HECTD4: variants seen among roughly 807,000 people sequenced by gnomAD.
HECTD4 encodes the protein probable E3 ubiquitin-protein ligase HECTD4.
HECTD4 carries 114 observed loss-of-function variants against 471.5 expected under a neutral mutation model. The observed-to-expected ratio is 0.24, with a 90% confidence interval of 0.21 to 0.28. The LOEUF (loss-of-function observed/expected upper bound fraction) is 0.28. Among genes scored for constraint, HECTD4 ranks in the 10% least tolerant of loss-of-function variants. The pLI, the probability that HECTD4 is intolerant of heterozygous loss-of-function variation, is 1.00. For synonymous variants in HECTD4, 2,012 were observed against 2,256.0 expected (o/e 0.89, Z 3.07); for missense variants, 3,866 against 5,651.5 (o/e 0.68, Z 10.13).
chr12:112,209,075 A>C (rs1431269065), intron 50 of HECTD4, among the ~76,000 whole-genome samples: 4 of 150,716 alleles, frequency 2.7e-5, no homozygotes, highest in Non-Finnish European at 5.9e-5. Context: ...TATTTTTTAA[A>C]TTTTTTTGTA....
chr12:112,228,325 GTTA>G lies in HECTD4; in HGVS notation c.6685-70_6685-68del, dbSNP rs2033293186. 3.6e-6 allele frequency: 5 copies of G among 1,384,472 alleles called. No homozygotes were observed. The highest frequency in any genetic ancestry group is 1.5e-5 in the African/African-American group (1 of 66,810). The allele number at this position is 1,384,472 out of a possible 1,614,324, so 85.8% of individuals were successfully genotyped here. A position where few individuals can be genotyped will look rare whatever the true frequency, so the allele number is the denominator to read the frequency against. ...TAGTTAGTTTATAAGAAATGAGGGT[GTTA>G]TTATTATCTGGAGTTAATTCTTAAA... On this transcript the variant is annotated intron_variant, in intron 42 of 75. Transcript: ENST00000682272. This position sits in a 1 kb window ranked among gnomAD's most constrained non-coding sequence, Gnocchi z 4.9.
intron 68 of HECTD4, 73 bp downstream of exon 68, chr12:112,171,044 G>A (rs759364610): frequency 2.5e-5 from 33 of 1,340,494 alleles, no homozygotes; most frequent in Non-Finnish European, 3.2e-5. Context: ...GACGCTGCCC[G>A]TGGATTCTGG....
rs187630504 is a variant in HECTD4, at chr12:112,208,703, G to C, written c.7868-73C>G. The C allele has an allele frequency of 2.5e-4, 334 of 1,349,060 alleles. 1 individual carries two copies. In the African/African-American group the frequency reaches 4.5e-3, roughly 18 times the overall value. The allele number at this position is 1,349,060 out of a possible 1,614,324, so 83.6% of individuals were successfully genotyped here. On this transcript the variant is annotated intron_variant, in intron 50 of 75. Transcript: ENST00000682272. The stretch of plus-strand genomic sequence containing the variant: ...AAAAATCCTTAACTTCTCACCCTTA[G>C]ACAAACCAGATTATCTTAATTTGCA...
At position 112,219,497 on chromosome 12, in the gene HECTD4, G is replaced by C. The variant is rs368697426; in HGVS notation, c.6971-8C>G. Reference sequence around the variant, plus strand: ...CAACTGCAAGTCGCTCTCCTGTAGAGGGCACATGTTGAATCTGTGAAAACA... The same window carrying C: ...CAACTGCAAGTCGCTCTCCTGTAGACGGCACATGTTGAATCTGTGAAAACA... On this transcript the variant is annotated splice_polypyrimidine_tract_variant and splice_region_variant and intron_variant, in intron 44 of 75. Transcript: ENST00000682272. The C allele has an allele frequency of 1.2e-6, 2 of 1,604,004 alleles. No homozygotes were observed. The highest frequency in any genetic ancestry group is 1.7e-5 in the Admixed American group (1 of 59,532).
At chr12:112,268,196 G>A (rs971889375) in intron 13 of HECTD4, among the ~76,000 whole-genome samples, 12 of 152,086 alleles carry the variant, frequency 7.9e-5, no homozygotes, top group African/African-American at 2.7e-4. Context: ...TGATAAGTCT[G>A]ACATATGTAT....
At chr12:112,229,283 C>T (rs2033316244) in intron 41 of HECTD4, among the ~76,000 whole-genome samples, 1 of 152,128 alleles carries the variant, frequency 6.6e-6, no homozygotes, top group Non-Finnish European at 1.5e-5. Flanking sequence ...GCTGAGATTG[C>T]ACCATTGCAC....
intron 18 of HECTD4, among the ~76,000 whole-genome samples, chr12:112,259,909 T>C (rs1410206240): frequency 6.6e-6 from 1 of 152,112 alleles, no homozygotes; most frequent in Non-Finnish European, 1.5e-5. Context: ...GAGGCTTGTC[T>C]GGGGCATGCA....
intron 21 of HECTD4, 114 bp downstream of exon 21, chr12:112,256,206 A>G: frequency 2.7e-6 from 2 of 740,996 alleles, no homozygotes; most frequent in Non-Finnish European, 4.2e-6. Flanking sequence ...CTCCTTAGAG[A>G]TATCTGCAGA....
Position 112,235,223 on chromosome 12 carries a change from G to T in HECTD4, c.5769C>A (p.Thr1923=). 1.2e-6 allele frequency: 2 copies of T among 1,613,912 alleles called. No individual in the cohort carries two copies. The highest frequency in any genetic ancestry group is 1.7e-6 in the Non-Finnish European group (2 of 1,179,862). The part of the protein sequence containing the change: ...VLSPTASEPD[T]TLTKTSPKNS... ...TCTTGGGACTGGTTTTTGTCAATGTGGTGTCAGGTTCAGAAGCGGTTGGAG... is the reference window on the plus strand; with the variant it reads ...TCTTGGGACTGGTTTTTGTCAATGTTGTGTCAGGTTCAGAAGCGGTTGGAG... Residue 1923 remains threonine (T), a synonymous_variant, in exon 37 of 76, where the codon ACC becomes ACA. Coordinates refer to ENST00000682272, the MANE Select transcript of HECTD4 (RefSeq NM_001388303.1). This position sits in a 1 kb window ranked among gnomAD's most constrained non-coding sequence, Gnocchi z 5.0.
At chr12:112,187,357 G>A (rs980572569) in intron 60 of HECTD4, among the ~76,000 whole-genome samples, 2 of 152,098 alleles carry the variant, frequency 1.3e-5, no homozygotes, top group African/African-American at 2.4e-5. Flanking sequence ...TTTTTGTGAC[G>A]GCAACTATTT....
rs146662518 is a variant in HECTD4 at position 112,293,933 on chromosome 12, T to C, written c.1336-10631A>G. On this transcript the variant is annotated intron_variant, in intron 7 of 75. Transcript: ENST00000682272. ...TGTGGGCGGGGAGGCAAGGTCTCAC[T>C]CTGTCACCCAGGCTGGAGTGCAGTG... Among the ~76,000 whole-genome samples, 387 of 152,298 alleles carry C rather than the reference T, an allele frequency of 2.5e-3. 1 individual carries two copies. Among genetic ancestry groups the C allele is most frequent in the African/African-American group, 8.7e-3 (361 of 41,562 alleles).
chr12:112,216,955 G>A (rs762992381), intron 46 of HECTD4, 34 bp from the exon 47 acceptor site: 2 of 1,604,986 alleles, frequency 1.2e-6, no homozygotes, highest in South Asian at 2.2e-5. Flanking sequence ...AGCAATCAGA[G>A]GGCTAATCCT....
At chr12:112,224,668 C>T (rs2033187280) in intron 44 of HECTD4, among the ~76,000 whole-genome samples, 1 of 152,204 alleles carries the variant, frequency 6.6e-6, no homozygotes, top group Non-Finnish European at 1.5e-5. Flanking sequence ...ACTTCCCATA[C>T]ATTTCTTTGC....
chr12:112,283,309 TA>T lies in HECTD4; in HGVS notation c.1336-8del, dbSNP rs1158491513. ...CAAATACACCATTTTCAACCTAACA[TA>T]GAAAAAAAGGAGGTCCTAAAATGAT... is the stretch of plus-strand genomic sequence containing the variant. On this transcript the variant is annotated splice_region_variant and splice_polypyrimidine_tract_variant and intron_variant, in intron 7 of 75. Transcript: ENST00000682272. The T allele has an allele frequency of 6.3e-7, 1 of 1,596,026 alleles. No homozygotes were observed. The highest frequency in any genetic ancestry group is 8.5e-7 in the Non-Finnish European group (1 of 1,170,210).
At chr12:112,263,623 T>C (rs1313715052) in intron 17 of HECTD4, among the ~76,000 whole-genome samples, 1 of 151,620 alleles carries the variant, frequency 6.6e-6, no homozygotes, top group Non-Finnish European at 1.5e-5. Context: ...ATTGAAAAAA[T>C]TATCACCTTT....
In HECTD4 at chr12:112,184,859, C is replaced by G; in HGVS notation, c.10107G>C (p.Arg3369Ser). The G allele has an allele frequency of 1.2e-6, 2 of 1,607,472 alleles. No individual in the cohort carries two copies. The highest frequency in any genetic ancestry group is 8.5e-7 in the Non-Finnish European group (1 of 1,175,286). Residue 3369 changes from arginine to serine, a missense_variant, in exon 61 of 76, where the codon AGG becomes AGC. Coordinates refer to ENST00000682272, the MANE Select transcript of HECTD4 (RefSeq NM_001388303.1). The surrounding 1 kb of genome is among the most constrained non-coding windows in gnomAD (Gnocchi z 9.1). Reference sequence around the variant, plus strand: ...TCACGCCCAGCCCCTGTGGGTCCTTCCTGGTGAGGTGGCGGAGGATGATGA... The same window carrying G: ...TCACGCCCAGCCCCTGTGGGTCCTTGCTGGTGAGGTGGCGGAGGATGATGA... ...TLLIILRHLT[R>S]KDPQGLGVTS...
rs922376478 is a variant in HECTD4, at chr12:112,162,617, T to C, written c.13121-94A>G. On this transcript the variant is annotated intron_variant, in intron 75 of 75. Transcript: ENST00000682272. This position sits in a 1 kb window ranked among gnomAD's most constrained non-coding sequence, Gnocchi z 5.2. Reference sequence around the variant, plus strand: ...GGCCTCTGCTTCCAGGTTTGCCTCCTTGGGTAGCCCCAAGCCAATCCTGGG... The same window carrying C: ...GGCCTCTGCTTCCAGGTTTGCCTCCCTGGGTAGCCCCAAGCCAATCCTGGG... 2.0e-6 allele frequency: 3 copies of C among 1,507,950 alleles called. No individual in the cohort carries two copies. Among genetic ancestry groups the C allele is most frequent in the Non-Finnish European group, 2.7e-6 (3 of 1,102,634 alleles). The allele number at this position is 1,507,950 out of a possible 1,614,324, so 93.4% of individuals were successfully genotyped here. A position where few individuals can be genotyped will look rare whatever the true frequency, so the allele number is the denominator to read the frequency against.
At chr12:112,301,094 G>A (rs1230722060) in intron 7 of HECTD4, among the ~76,000 whole-genome samples, 1 of 150,866 alleles carries the variant, frequency 6.6e-6, no homozygotes, top group African/African-American at 2.4e-5. Context: ...CACCATCTTG[G>A]CCAGGCTGGT....
At chr12:112,332,632 A>G (rs911292747) in intron 1 of HECTD4, among the ~76,000 whole-genome samples, 5 of 151,876 alleles carry the variant, frequency 3.3e-5, no homozygotes, top group Non-Finnish European at 1.5e-5. Context: ...GCATTTAAGC[A>G]AGCTCCTTGG....
Sources: gnomAD v4.1 joint callset for allele counts (sites outside exome capture counted in the v4.1 genomes callset) on GRCh38, gnomAD v4.1.1 for gene constraint, Gnocchi (gnomAD v3.1) non-coding constraint, MANE v1.5 for transcripts, NCBI Gene and HGNC (gene_info 2026-07-23, HGNC 2026-07-21) for gene names.